AASS: variants seen among roughly 807,000 people sequenced by gnomAD.
The protein encoded by AASS is aminoadipate-semialdehyde synthase.
A neutral mutation model predicts 105.4 loss-of-function variants in AASS; 86 were observed. The ratio of observed to expected loss-of-function variants is 0.82; its 90% confidence interval spans 0.69 to 0.98. The LOEUF (loss-of-function observed/expected upper bound fraction) is 0.98. AASS is among the 50% of genes least tolerant of loss of function. AASS has a pLI of 0.00. For synonymous variants in AASS, 381 were observed against 394.8 expected (o/e 0.96, Z 0.41); for missense variants, 1,048 against 1,143.2 (o/e 0.92, Z 1.20).
chr7:122,086,096 A>G lies in AASS; in HGVS notation c.2100T>C (p.Tyr700=), dbSNP rs2150511876. The G allele has an allele frequency of 6.2e-7, 1 of 1,613,610 alleles. No homozygotes were observed. The highest frequency in any genetic ancestry group is 8.5e-7 in the Non-Finnish European group (1 of 1,179,780). ...DFFPGLNLEG[Y]PNRDSTKYAE... ...CATATTTCGTACTGTCTCTGTTAGG[A>G]TAGCCTTCCAAATTTAATCCTGGAA... is the stretch of plus-strand genomic sequence containing the variant. The change falls in exon 19 of 24, where the codon TAT becomes TAC. Residue 700 remains tyrosine (Y), a synonymous_variant. Transcript: ENST00000417368.
chr7:122,086,475 T>G (rs1001196045), intron 18 of AASS, among the ~76,000 whole-genome samples: 7 of 151,716 alleles, frequency 4.6e-5, no homozygotes, highest in Admixed American at 2.0e-4. Context: ...TATTTCCCAC[T>G]AGAGTTTGCC....
chr7:122,084,727 C>T (rs931207901), intron 19 of AASS, among the ~76,000 whole-genome samples: 1 of 151,914 alleles, frequency 6.6e-6, no homozygotes, highest in Non-Finnish European at 1.5e-5. Flanking sequence ...GATAAGAGAA[C>T]GACAGAAAAG....
chr7:122,125,099 T>C (rs1255267649), intron 4 of AASS, among the ~76,000 whole-genome samples: 1 of 152,086 alleles, frequency 6.6e-6, no homozygotes, highest in African/African-American at 2.4e-5. Flanking sequence ...TTTGTATTTT[T>C]AGTAGAGACA....
Position 122,098,493 on chromosome 7 carries a change from C to T in AASS, c.1612G>A (p.Glu538Lys), listed in dbSNP as rs777018927. The change falls in exon 15 of 24, where the codon GAG (glutamate) becomes AAG (lysine). Residue 538 changes from glutamate (E) to lysine (K), a missense_variant. By Grantham distance (56) the Glu-to-Lys change is moderately conservative. Transcript: ENST00000417368. ...TTTGCCACCAAGAAGCCCAGCTTCT[C>T]TTCTTGTTTACAAATGTCCATGCTA... Reference protein sequence around the residue: ...PVSMDICKQEEKLGFLVAKQD... With the variant: ...PVSMDICKQEKKLGFLVAKQD... The T allele has an allele frequency of 6.8e-6, 11 of 1,612,084 alleles. No homozygotes were observed. The South Asian group carries it at 7.7e-5, about 11-fold the overall frequency.
chr7:122,113,558 C>T (rs774649751), intron 10 of AASS, 40 bp downstream of exon 10: 4 of 1,609,082 alleles, frequency 2.5e-6, no homozygotes, highest in African/African-American at 1.3e-5. Flanking sequence ...ATCAATGTAA[C>T]TAAGTGAGGA....
chr7:122,115,003 G>T, intron 9 of AASS, 71 bp downstream of exon 9: 1 of 1,599,382 alleles, frequency 6.3e-7, no homozygotes, highest in Non-Finnish European at 8.6e-7. Context: ...CCTCTGATAT[G>T]TGATATTTGA....
chr7:122,132,750 C>G (rs1460172283), intron 2 of AASS, among the ~76,000 whole-genome samples: 1 of 152,014 alleles, frequency 6.6e-6, no homozygotes, highest in South Asian at 2.1e-4. Flanking sequence ...CCAGATTATT[C>G]GTGCCCAGTA....
chr7:122,091,585 G>T, intron 18 of AASS, 118 bp downstream of exon 18: 1 of 1,433,204 alleles, frequency 7.0e-7, no homozygotes, highest in Non-Finnish European at 9.7e-7. Context: ...AACACAGGAG[G>T]AGATAATGGA....
At chr7:122,092,541 A>T (rs1793953626) in intron 17 of AASS, among the ~76,000 whole-genome samples, 1 of 152,068 alleles carries the variant, frequency 6.6e-6, no homozygotes, top group Non-Finnish European at 1.5e-5. Flanking sequence ...CCTGACCAAC[A>T]TGGAGAAACC....
chr7:122,116,714 A>G lies in AASS; in HGVS notation c.813T>C (p.Leu271=), dbSNP rs749824706. The part of the protein sequence containing the change: ...YGTVLSRHHH[L]VRKTDAVYDP... ...CATACACAGCATCTGTTTTCCTGAC[A>G]AGATGATGATGACGACTTAACACCG... Residue 271 remains leucine, a synonymous_variant, in exon 8 of 24, where the codon CTT becomes CTC. Transcript: ENST00000417368. 7 of 1,614,136 alleles carry G rather than the reference A, an allele frequency of 4.3e-6. No individual in the cohort carries two copies. Among genetic ancestry groups the G allele is most frequent in the South Asian group, 2.2e-5 (2 of 91,076 alleles).
At chr7:122,116,239 A>G (rs1049397531) in intron 8 of AASS, among the ~76,000 whole-genome samples, 1 of 152,158 alleles carries the variant, frequency 6.6e-6, no homozygotes, top group Non-Finnish European at 1.5e-5. Context: ...GCATTTCAAG[A>G]TTGCTGGCTG....
chr7:122,104,616 T>C (rs1378018333), intron 11 of AASS, among the ~76,000 whole-genome samples: 1 of 152,094 alleles, frequency 6.6e-6, no homozygotes, highest in Admixed American at 6.6e-5. Flanking sequence ...TGAAACTACG[T>C]CCTTTGCAGC....
intron 4 of AASS, among the ~76,000 whole-genome samples, chr7:122,119,642 A>T (rs1239697720): frequency 6.6e-6 from 1 of 152,202 alleles, no homozygotes; most frequent in Non-Finnish European, 1.5e-5. Flanking sequence ...TACATACAAC[A>T]TAATGCACCC....
At chr7:122,082,625 C>T (rs976309495) in intron 19 of AASS, among the ~76,000 whole-genome samples, 14 of 152,042 alleles carry the variant, frequency 9.2e-5, no homozygotes, top group Non-Finnish European at 1.9e-4. Flanking sequence ...ATTCTTCATC[C>T]CAATGCCCAC....
At chr7:122,138,888 T>C (rs1239067403) in intron 1 of AASS, among the ~76,000 whole-genome samples, 1 of 152,170 alleles carries the variant, frequency 6.6e-6, no homozygotes, top group Admixed American at 6.5e-5. Flanking sequence ...CCCATTTTCT[T>C]TCAATGACCA....
intron 19 of AASS, 81 bp downstream of exon 19, chr7:122,085,931 T>C: frequency 6.6e-7 from 1 of 1,506,344 alleles, no homozygotes; most frequent in Non-Finnish European, 9.2e-7. Context: ...CTTAATTATT[T>C]TGACTACTAA....
Position 122,120,279 on chromosome 7 carries a change from A to G in AASS, c.473-1649T>C, listed in dbSNP as rs151301444. Among the ~76,000 whole-genome samples, 6 of 152,190 alleles carry G rather than the reference A, an allele frequency of 3.9e-5. No individual in the cohort carries two copies. The East Asian group carries it at 1.2e-3, about 29-fold the overall frequency. On this transcript the variant is annotated intron_variant, in intron 4 of 23. Transcript: ENST00000417368. The stretch of plus-strand genomic sequence containing the variant: ...TTGTACCTTGATACTTAAGTTTTCA[A>G]TTTCTTCTTGAGCTGATTTTGGTAA...
intron 2 of AASS, 57 bp from the exon 3 acceptor site, chr7:122,129,594 C>G: frequency 5.2e-6 from 8 of 1,540,652 alleles, no homozygotes; most frequent in Middle Eastern, 3.9e-4. Context: ...TCCATGTTTT[C>G]TTGAGCAAAA....
In AASS at chr7:122,113,193, G is replaced by A. The variant is rs1337266028; in HGVS notation, c.1203C>T (p.Asp401=). 2 of 1,614,048 alleles carry A rather than the reference G, an allele frequency of 1.2e-6. No individual in the cohort carries two copies. The highest frequency in any genetic ancestry group is 8.5e-7 in the Non-Finnish European group (1 of 1,179,960). Residue 401 remains aspartate, a synonymous_variant, in exon 11 of 24, where the codon GAC becomes GAT. Transcript: ENST00000417368. ...CAATTGGGAGCTGTGCCGGCAAATT[G>A]TCAATGGAACACATCAGGATCCCCG... ...EGSGILMCSI[D]NLPAQLPIEA...
Sources: gnomAD v4.1 joint callset for allele counts (sites outside exome capture counted in the v4.1 genomes callset) on GRCh38, gnomAD v4.1.1 for gene constraint, MANE v1.5 for transcripts, NCBI Gene and HGNC (gene_info 2026-07-23, HGNC 2026-07-21) for gene names.